The following SPAG16 variants were observed in gnomAD, a reference collection of about 807,000 sequenced individuals.
The protein encoded by SPAG16 is sperm associated antigen 16.
Under a neutral mutation model 80.4 loss-of-function variants are expected in SPAG16, and 86 were observed. That is an observed-to-expected ratio of 1.07 (90% CI 0.90 to 1.28). The LOEUF (loss-of-function observed/expected upper bound fraction) is 1.28. Among genes scored for constraint, SPAG16 ranks in the 50% most tolerant of loss-of-function variants. SPAG16 has a pLI of 0.00. For missense variants in SPAG16, 870 were observed against 765.3 expected, an observed-to-expected ratio of 1.14 and a Z score of -1.61; for synonymous variants, 294 against 265.9, an observed-to-expected ratio of 1.11 and a Z score of -1.03.
chr2:214,051,572 T>C (rs564277770), intron 13 of SPAG16, among the ~76,000 whole-genome samples: 1 of 152,376 alleles, frequency 6.6e-6, no homozygotes, highest in Non-Finnish European at 1.5e-5. Context: ...TTCTAAATTA[T>C]GCACTACCCC....
intron 13 of SPAG16, among the ~76,000 whole-genome samples, chr2:214,024,431 A>G (rs2048033621): frequency 2.0e-5 from 3 of 151,624 alleles, no homozygotes; most frequent in Admixed American, 1.3e-4. Flanking sequence ...TTCCTTTTGT[A>G]TTCCTTAATA....
At chr2:214,141,307 A>G (rs2055345611) in intron 14 of SPAG16, among the ~76,000 whole-genome samples, 1 of 151,932 alleles carries the variant, frequency 6.6e-6, no homozygotes, top group Admixed American at 6.6e-5. Flanking sequence ...TCTCTACTAA[A>G]AATACAAAAA....
intron 15 of SPAG16, among the ~76,000 whole-genome samples, chr2:214,385,346 C>A (rs552182541): frequency 1.3e-5 from 2 of 152,258 alleles, no homozygotes; most frequent in Admixed American, 1.3e-4. Context: ...TCCCAGCACA[C>A]GGTCAACATT....
intron 15 of SPAG16, among the ~76,000 whole-genome samples, chr2:214,362,338 C>A (rs1366741433): frequency 6.6e-6 from 1 of 151,774 alleles, no homozygotes; most frequent in Non-Finnish European, 1.5e-5. Context: ...AATCTTATGG[C>A]CAAGCCTGAA....
rs1207567558 is a variant in SPAG16, at chr2:213,727,941, TG to T, written c.1071-134541del. On this transcript the variant is annotated intron_variant, in intron 10 of 15. Coordinates refer to ENST00000331683, the MANE Select transcript of SPAG16 (RefSeq NM_024532.5). ...TCAGCTCACTGCAACCTCCGTCTCC[TG>T]GGTTCAAGCGATTCTTCTTCTTCAG... Among the ~76,000 whole-genome samples the T allele has an allele frequency of 2.0e-5, 3 of 152,190 alleles. No individual in the cohort carries two copies. The East Asian group carries it at 5.8e-4, about 29-fold the overall frequency.
chr2:213,884,375 G>A (rs1472439201), intron 11 of SPAG16, among the ~76,000 whole-genome samples: 1 of 152,110 alleles, frequency 6.6e-6, no homozygotes, highest in Non-Finnish European at 1.5e-5. Context: ...TGATAGGTCT[G>A]GTGCTAGTTT....
At chr2:214,042,034 A>T (rs1372755037) in intron 13 of SPAG16, among the ~76,000 whole-genome samples, 1 of 145,822 alleles carries the variant, frequency 6.9e-6, no homozygotes, top group Non-Finnish European at 1.5e-5. Flanking sequence ...ATATACACAA[A>T]CATGTAATAA....
At chr2:214,177,358 G>A (rs2057126126) in intron 15 of SPAG16, among the ~76,000 whole-genome samples, 1 of 151,102 alleles carries the variant, frequency 6.6e-6, no homozygotes, top group African/African-American at 2.4e-5. Context: ...TCTTTAAAAA[G>A]ATTGACTTAA....
chr2:213,816,676 A>C (rs2556331), intron 10 of SPAG16, among the ~76,000 whole-genome samples: 18 of 152,082 alleles, frequency 1.2e-4, no homozygotes, highest in African/African-American at 4.3e-4. Context: ...TAGCCTTTAC[A>C]CATGTCTCTT....
intron 15 of SPAG16, among the ~76,000 whole-genome samples, chr2:214,312,497 G>C (rs1032132021): frequency 6.6e-6 from 1 of 152,070 alleles, no homozygotes; most frequent in Non-Finnish European, 1.5e-5. Flanking sequence ...GTGTGTATAG[G>C]GTTCTTGGTA....
At chr2:214,322,901 A>T (rs1337129389) in intron 15 of SPAG16, among the ~76,000 whole-genome samples, 1 of 152,144 alleles carries the variant, frequency 6.6e-6, no homozygotes, top group Admixed American at 6.5e-5. Context: ...CCATGACCCT[A>T]GTTTTGTTTC....
chr2:213,874,425 T>C lies in SPAG16; in HGVS notation c.1214+11797T>C, dbSNP rs541961919. On this transcript the variant is annotated intron_variant, in intron 11 of 15. Transcript: ENST00000331683. ...TCTCTATTTTTTATTTTCAAACTTT[T>C]TGTTAAACACAAAGACACACACATT... Among the ~76,000 whole-genome samples the C allele has an allele frequency of 3.3e-5, 5 of 152,258 alleles. No individual in the cohort carries two copies. In the East Asian group the frequency reaches 9.6e-4, roughly 29 times the overall value.
chr2:214,267,361 T>C (rs1691651957), intron 15 of SPAG16, among the ~76,000 whole-genome samples: 1 of 151,826 alleles, frequency 6.6e-6, no homozygotes, highest in Admixed American at 6.6e-5. Context: ...GGTGAATTGA[T>C]TTTTGACAAA....
At chr2:214,006,298 A>G (rs1005894248) in intron 12 of SPAG16, among the ~76,000 whole-genome samples, 1 of 152,198 alleles carries the variant, frequency 6.6e-6, no homozygotes, top group Non-Finnish European at 1.5e-5. Flanking sequence ...AAAAACCCTA[A>G]AATTTAATGT....
At chr2:213,292,801 A>AT (rs200465454) in intron 1 of SPAG16, among the ~76,000 whole-genome samples, 3 of 151,592 alleles carry the variant, frequency 2.0e-5, no homozygotes, top group African/African-American at 4.9e-5. Context: ...AATTTAAAAG[A>AT]TTTTTTTTTC....
intron 10 of SPAG16, among the ~76,000 whole-genome samples, chr2:213,777,891 T>A (rs550923094): frequency 6.6e-6 from 1 of 151,992 alleles, no homozygotes; most frequent in Admixed American, 6.6e-5. Context: ...GCACTCCAAG[T>A]TTTTTTTACA....
chr2:213,993,252 A>C (rs904876854), intron 12 of SPAG16, among the ~76,000 whole-genome samples: 1 of 152,202 alleles, frequency 6.6e-6, no homozygotes, highest in Non-Finnish European at 1.5e-5. Context: ...TGATTGCCTG[A>C]CATAATTCAC....
intron 9 of SPAG16, among the ~76,000 whole-genome samples, chr2:213,403,379 C>T (rs2068434368): frequency 6.6e-6 from 1 of 152,068 alleles, no homozygotes; most frequent in Admixed American, 6.6e-5. Context: ...CTGTCGGTTG[C>T]CTGTTCACTC....
At chr2:213,980,697 T>C (rs2045685302) in intron 12 of SPAG16, among the ~76,000 whole-genome samples, 1 of 76,914 alleles carries the variant, frequency 1.3e-5, no homozygotes, top group Non-Finnish European at 2.2e-5. Flanking sequence ...ATAGAATATA[T>C]GTGTGTGTGT....
Sources: allele counts gnomAD v4.1 joint callset (sites outside exome capture counted in the v4.1 genomes callset), GRCh38; gene constraint gnomAD v4.1.1; transcripts MANE v1.5; gene names NCBI Gene and HGNC (gene_info 2026-07-23, HGNC 2026-07-21).